POPDC1: variants seen among roughly 807,000 people sequenced by gnomAD.
POPDC1 encodes the protein popeye domain cAMP effector 1, also known as popeye domain-containing protein 1.
the POPDC1 span, among the ~76,000 whole-genome samples, chr6:105,107,045 T>C: frequency 6.6e-6 from 1 of 152,182 alleles, no homozygotes; most frequent in Admixed American, 6.5e-5. Context: ...GTCTTATTCA[T>C]TCTTTCTACC....
chr6:105,119,513 G>A, the POPDC1 span, among the ~76,000 whole-genome samples: 1 of 152,206 alleles, frequency 6.6e-6, no homozygotes, highest in African/African-American at 2.4e-5. Flanking sequence ...ACGGTATGAG[G>A]TGGGTGCATA....
the POPDC1 span, among the ~76,000 whole-genome samples, chr6:105,122,654 C>G: frequency 2.0e-5 from 3 of 152,144 alleles, no homozygotes; most frequent in East Asian, 5.8e-4. Flanking sequence ...GAAATACAGG[C>G]AAAAGATAAA....
the POPDC1 span, among the ~76,000 whole-genome samples, chr6:105,130,541 C>A: frequency 6.6e-6 from 1 of 152,104 alleles, no homozygotes. Context: ...ATGCTAATAT[C>A]AAGTTGTCAG....
chr6:105,107,500 A>T, the POPDC1 span, among the ~76,000 whole-genome samples: 3 of 152,232 alleles, frequency 2.0e-5, no homozygotes, highest in African/African-American at 7.2e-5. Context: ...AACTACCTCA[A>T]ATCTGAGCTT....
At chr6:105,112,031 T>C in the POPDC1 span, among the ~76,000 whole-genome samples, 1 of 152,112 alleles carries the variant, frequency 6.6e-6, no homozygotes, top group Non-Finnish European at 1.5e-5. Context: ...AGGTGGGAAA[T>C]TCTACAGCTT....
the POPDC1 span, among the ~76,000 whole-genome samples, chr6:105,104,751 T>C: frequency 6.6e-6 from 1 of 152,158 alleles, no homozygotes; most frequent in Non-Finnish European, 1.5e-5. Context: ...GGAATATCAA[T>C]AGGCTTAATA....
At chr6:105,133,388 G>A in the POPDC1 span, 7 of 1,613,464 alleles carry the variant, frequency 4.3e-6, no homozygotes, top group East Asian at 1.6e-4. Flanking sequence ...ATCATATGAA[G>A]GTGAAGAGTA....
At chr6:105,107,268 T>C in the POPDC1 span, among the ~76,000 whole-genome samples, 1 of 152,196 alleles carries the variant, frequency 6.6e-6, no homozygotes, top group Non-Finnish European at 1.5e-5. Context: ...GGCCTTTTCA[T>C]ACATGAACCA....
the POPDC1 span, among the ~76,000 whole-genome samples, chr6:105,104,038 C>T: frequency 2.0e-4 from 31 of 152,272 alleles, no homozygotes; most frequent in African/African-American, 7.5e-4. Context: ...CTTAGGGTGA[C>T]ATCCAGGGTT....
the POPDC1 span, among the ~76,000 whole-genome samples, chr6:105,107,789 T>C: frequency 2.6e-5 from 4 of 152,202 alleles, no homozygotes; most frequent in African/African-American, 9.6e-5. Context: ...AGAATGGGAA[T>C]GTGGAAGGAT....
At chr6:105,102,367 C>G in the POPDC1 span, among the ~76,000 whole-genome samples, 14 of 152,200 alleles carry the variant, frequency 9.2e-5, no homozygotes, top group African/African-American at 3.4e-4. Context: ...TTGGCCAGCA[C>G]AGGGAGAATG....
the POPDC1 span, among the ~76,000 whole-genome samples, chr6:105,109,763 C>CAAA: frequency 0.064 from 1,472 of 22,862 alleles, 193 homozygotes; most frequent in African/African-American, 0.14. Flanking sequence ...GACCCTTTCT[C>CAAA]AAAAAAAAAA....
chr6:105,129,816 T>C, the POPDC1 span, among the ~76,000 whole-genome samples: 1 of 152,224 alleles, frequency 6.6e-6, no homozygotes, highest in Admixed American at 6.5e-5. Context: ...TTCATCGCAC[T>C]ATTCAGAATG....
the POPDC1 span, among the ~76,000 whole-genome samples, chr6:105,109,444 T>C: frequency 6.6e-6 from 1 of 151,780 alleles, no homozygotes; most frequent in African/African-American, 2.4e-5. Context: ...GGTTACTAAG[T>C]CCCCCTAGAG....
the POPDC1 span, chr6:105,125,246 G>C: frequency 1.1e-6 from 1 of 914,226 alleles, no homozygotes; most frequent in Middle Eastern, 3.2e-4. Flanking sequence ...GTAAAGTATA[G>C]TTGTAGCAAA....
chr6:105,098,287 C>T, the POPDC1 span: 1 of 152,186 alleles, frequency 6.6e-6, no homozygotes, highest in African/African-American at 2.4e-5. Flanking sequence ...GTCTTCTTAT[C>T]TGCTTCTTTG....
the POPDC1 span, among the ~76,000 whole-genome samples, chr6:105,130,470 A>C: frequency 1.3e-5 from 2 of 152,300 alleles, no homozygotes; most frequent in Non-Finnish European, 2.9e-5. Context: ...ATAGTTTTTT[A>C]CAATATTGAA....
At chr6:105,135,170 A>T in the POPDC1 span, among the ~76,000 whole-genome samples, 1 of 152,202 alleles carries the variant, frequency 6.6e-6, no homozygotes. Flanking sequence ...GACAATGTTT[A>T]TTCATCTATG....
the POPDC1 span, chr6:105,100,604 G>C: frequency 6.7e-6 from 1 of 149,228 alleles, no homozygotes; most frequent in Admixed American, 6.7e-5. Context: ...GTGTGTGTGT[G>C]TGTGTGTATA....
Sources: allele counts gnomAD v4.1 joint callset (sites outside exome capture counted in the v4.1 genomes callset), GRCh38; gene constraint gnomAD v4.1.1; transcripts MANE v1.5; gene names NCBI Gene and HGNC (gene_info 2026-07-23, HGNC 2026-07-21).